Variants in NDUFA5 observed in about 807,000 individuals in gnomAD.
NDUFA5 encodes NADH dehydrogenase [ubiquinone] 1 alpha subcomplex subunit 5.
NDUFA5 carries 11 observed loss-of-function variants against 19.8 expected under a neutral mutation model. That is an observed-to-expected ratio of 0.56 (90% CI 0.35 to 0.92). The LOEUF is 0.92. NDUFA5 is among the 40% of genes least tolerant of loss of function. The pLI, the probability that NDUFA5 is intolerant of heterozygous loss-of-function variation, is 0.01. For missense variants in NDUFA5, 109 were observed against 134.2 expected (o/e 0.81, Z 0.93); for synonymous variants, 47 against 46.8 (o/e 1.00, Z -0.01).
chr7:123,543,891 G>A (rs1798029379), intron 4 of NDUFA5, among the ~76,000 whole-genome samples: 1 of 152,066 alleles, frequency 6.6e-6, no homozygotes, highest in Admixed American at 6.6e-5. Flanking sequence ...AACTGAAACA[G>A]TCTACATTCA....
the NDUFA5 span, among the ~76,000 whole-genome samples, chr7:123,586,779 T>G: frequency 6.6e-6 from 1 of 151,772 alleles, no homozygotes; most frequent in African/African-American, 2.4e-5. Context: ...ATATCCAGTT[T>G]TCCCAACATG....
the NDUFA5 span, among the ~76,000 whole-genome samples, chr7:123,579,544 A>G: frequency 6.6e-6 from 1 of 152,074 alleles, no homozygotes; most frequent in African/African-American, 2.4e-5. Flanking sequence ...TCTCTCTATT[A>G]TCTGCCCCAC....
chr7:123,553,130 G>A (rs535842317), intron 2 of NDUFA5, among the ~76,000 whole-genome samples: 3 of 152,158 alleles, frequency 2.0e-5, no homozygotes, highest in East Asian at 3.8e-4. Context: ...AGATAGACTG[G>A]ACATGGATCA....
At chr7:123,553,385 G>C (rs988750971) in intron 2 of NDUFA5, among the ~76,000 whole-genome samples, 1 of 152,284 alleles carries the variant, frequency 6.6e-6, no homozygotes, top group South Asian at 2.1e-4. Context: ...CAGATCTCAC[G>C]AGACTTCTTC....
the NDUFA5 span, among the ~76,000 whole-genome samples, chr7:123,569,096 T>G: frequency 6.6e-6 from 1 of 152,178 alleles, no homozygotes; most frequent in Non-Finnish European, 1.5e-5. Flanking sequence ...TGAAGTTTAG[T>G]CTGTATCAGA....
At chr7:123,600,150 C>T in the NDUFA5 span, among the ~76,000 whole-genome samples, 1,152 of 152,220 alleles carry the variant, frequency 7.6e-3, 19 homozygotes, top group African/African-American at 0.027. Flanking sequence ...TCATCACTCC[C>T]ATACTACAGA....
upstream of NDUFA5, chr7:123,557,842 T>A: frequency 1.9e-6 from 3 of 1,613,334 alleles, no homozygotes; most frequent in Non-Finnish European, 2.5e-6. Context: ...GGAACAATTC[T>A]CAGACCTGCT....
the NDUFA5 span, among the ~76,000 whole-genome samples, chr7:123,600,094 G>A: frequency 4.6e-5 from 7 of 152,034 alleles, no homozygotes; most frequent in African/African-American, 1.4e-4. Flanking sequence ...TGAGGAATAG[G>A]CCTCATTAAA....
chr7:123,542,013 A>G lies in NDUFA5; in HGVS notation c.*106T>C. 1 of 691,130 alleles carries G rather than the reference A, an allele frequency of 1.4e-6. No homozygotes were observed. The allele number at this position is 691,130 out of a possible 1,614,324, so 42.8% of individuals were successfully genotyped here. On this transcript the variant is annotated 3_prime_UTR_variant, in exon 5 of 5. Transcript: ENST00000355749. The stretch of plus-strand genomic sequence containing the variant: ...TAACAGTCTCCTACATATTTTCTAT[A>G]TCACTTTTCTTGATTACAAAATGTC...
Position 123,542,156 on chromosome 7 carries a change from T to C in NDUFA5, c.314A>G (p.Glu105Gly). The change falls in exon 5 of 5, where the codon GAA becomes GGA. Residue 105 changes from glutamate to glycine, a missense_variant. Glu to Gly is a moderately conservative substitution (Grantham distance 98). Coordinates refer to ENST00000355749, the MANE Select transcript of NDUFA5 (RefSeq NM_005000.5). The part of the protein sequence containing the change: ...REWKLWEPLV[E>G]EPPADQWKWP... ...TTTCCACTGATCGGCAGGAGGCTCT[T>C]CCACTAATGGCTCCCATAGTTTCCA... 1 of 1,612,006 alleles carries C rather than the reference T, an allele frequency of 6.2e-7. No individual in the cohort carries two copies. The highest frequency in any genetic ancestry group is 8.5e-7 in the Non-Finnish European group (1 of 1,179,174).
the NDUFA5 span, among the ~76,000 whole-genome samples, chr7:123,569,424 T>C: frequency 6.6e-6 from 1 of 152,118 alleles, no homozygotes; most frequent in East Asian, 1.9e-4. Flanking sequence ...CAACATAATA[T>C]TTAAAAAGTC....
chr7:123,596,016 A>G, the NDUFA5 span, among the ~76,000 whole-genome samples: 33 of 152,226 alleles, frequency 2.2e-4, no homozygotes, highest in Admixed American at 2.2e-3. Context: ...TCAAGCCATA[A>G]CTAAGCCAAA....
intron 3 of NDUFA5, 148 bp from the exon 4 acceptor site, chr7:123,545,824 C>A: frequency 1.8e-6 from 1 of 567,674 alleles, no homozygotes; most frequent in Non-Finnish European, 3.0e-6. Flanking sequence ...GGTGAAAATT[C>A]ATTTCACCTC....
intron 3 of NDUFA5, 103 bp downstream of exon 3, chr7:123,550,367 G>A: frequency 4.2e-6 from 3 of 716,588 alleles, no homozygotes; most frequent in Non-Finnish European, 2.5e-6. Flanking sequence ...AGCATTCAAG[G>A]AAGGAGAATA....
upstream of NDUFA5, among the ~76,000 whole-genome samples, chr7:123,559,682 C>T (rs558177945): frequency 6.6e-6 from 1 of 151,482 alleles, no homozygotes; most frequent in Admixed American, 6.6e-5. Context: ...ATGACAAAAC[C>T]TTCTCTCTAC....
the NDUFA5 span, among the ~76,000 whole-genome samples, chr7:123,567,869 A>T: frequency 1.3e-5 from 2 of 152,194 alleles, no homozygotes; most frequent in African/African-American, 4.8e-5. Flanking sequence ...AGACGAAAAT[A>T]TTCAAATTCC....
the NDUFA5 span, among the ~76,000 whole-genome samples, chr7:123,575,138 A>G: frequency 4.0e-4 from 60 of 148,704 alleles, no homozygotes; most frequent in Middle Eastern, 3.5e-3. Flanking sequence ...AATTTTTCAG[A>G]TATTTAAGAA....
chr7:123,594,931 G>A, the NDUFA5 span, among the ~76,000 whole-genome samples: 21 of 152,276 alleles, frequency 1.4e-4, no homozygotes, highest in Non-Finnish European at 2.1e-4. Flanking sequence ...CTGAGCAGCC[G>A]TGTGCTCCAC....
At chr7:123,564,691 G>A in the NDUFA5 span, among the ~76,000 whole-genome samples, 5 of 151,634 alleles carry the variant, frequency 3.3e-5, no homozygotes, top group African/African-American at 4.9e-5. Flanking sequence ...TTTGACTTAC[G>A]ATTTTTTGAT....
Sources: allele counts gnomAD v4.1 joint callset (sites outside exome capture counted in the v4.1 genomes callset), GRCh38; gene constraint gnomAD v4.1.1; transcripts MANE v1.5; gene names NCBI Gene and HGNC (gene_info 2026-07-23, HGNC 2026-07-21).